EPN1: variants seen among roughly 807,000 people sequenced by gnomAD.
EPN1 encodes the protein epsin 1, also known as epsin-1.
In EPN1, 25 loss-of-function variants were observed where a neutral mutation model predicts 56.9. The ratio of observed to expected loss-of-function variants is 0.44; its 90% CI spans 0.32 to 0.61. EPN1 has a LOEUF of 0.61. EPN1 is among the 20% of genes least tolerant of loss of function. The pLI, the probability that EPN1 is intolerant of heterozygous loss-of-function variation, is 0.05. For missense variants in EPN1, 785 were observed against 823.7 expected, an observed-to-expected ratio of 0.95 and a Z score of 0.58; for synonymous variants, 411 against 361.8, an observed-to-expected ratio of 1.14 and a Z score of -1.54.
In EPN1 at chr19:55,678,591, CG is replaced by C; in HGVS notation, c.-33del. 2 of 1,578,144 alleles carry C rather than the reference CG, an allele frequency of 1.3e-6. No individual in the cohort carries two copies. The highest frequency in any genetic ancestry group is 1.7e-6 in the Non-Finnish European group (2 of 1,163,924). On this transcript the variant is annotated 5_prime_UTR_variant, in exon 2 of 11. Coordinates refer to ENST00000270460, the MANE Select transcript of EPN1 (RefSeq NM_001130072.2). The stretch of plus-strand genomic sequence containing the variant: ...GGAGTCGCCCCATCTCTCCACGCAT[CG>C]GGGCCCTGTGCCCCTTGCTGCTGCA...
intron 1 of EPN1, chr19:55,677,449 G>A (rs892094345): frequency 1.7e-5 from 12 of 721,110 alleles, no homozygotes; most frequent in East Asian, 2.7e-5. Context: ...TTTAATTTAG[G>A]TTAATTTAAA....
At chr19:55,677,326 A>G in intron 1 of EPN1, 1 of 761,158 alleles carries the variant, frequency 1.3e-6, no homozygotes, top group Non-Finnish European at 2.3e-6. Context: ...TAATACATGT[A>G]AAGCACTTAA....
Position 55,685,569 on chromosome 19 carries a change from G to A in EPN1, c.402G>A (p.Leu134=), listed in dbSNP as rs546564200. 6.2e-6 allele frequency: 10 copies of A among 1,610,294 alleles called. No homozygotes were observed. The highest frequency in any genetic ancestry group is 8.5e-6 in the Non-Finnish European group (10 of 1,178,526). The change falls in exon 3 of 11, where the codon CTG becomes CTA. Residue 134 remains leucine, a synonymous_variant. Coordinates refer to ENST00000270460, the MANE Select transcript of EPN1 (RefSeq NM_001130072.2). ...AAGCTAAGCAGCTGGTGGCCCTGCT[G>A]CGCGACGAGGACCGGCTGCGGGAAG... ...REKAKQLVAL[L]RDEDRLREER...
chr19:55,684,255 G>T (rs1018404476), intron 2 of EPN1, among the ~76,000 whole-genome samples: 5 of 152,172 alleles, frequency 3.3e-5, no homozygotes, highest in African/African-American at 4.8e-5. Flanking sequence ...ACGGAGCTTA[G>T]CTGTGATAGC....
At chr19:55,690,558 C>T (rs534660260) in intron 6 of EPN1, among the ~76,000 whole-genome samples, 1 of 152,208 alleles carries the variant, frequency 6.6e-6, no homozygotes, top group East Asian at 1.9e-4. Flanking sequence ...CCGGGGTGTC[C>T]GCACTGGCCT....
rs1987225313 is a variant in EPN1, at chr19:55,703,056, CAA to C, written c.*7702_*7703del. 6.6e-6 allele frequency: 1 copy of C among 152,340 alleles called. No homozygotes were observed. Among genetic ancestry groups the C allele is most frequent in the African/African-American group, 2.4e-5 (1 of 41,438 alleles). The allele number at this position is 152,340 out of a possible 1,614,324, so 9.4% of individuals were successfully genotyped here. On this transcript the variant is annotated 3_prime_UTR_variant, in exon 11 of 11. Coordinates refer to ENST00000270460, the MANE Select transcript of EPN1 (RefSeq NM_001130072.2). ...TGTGATTCCGCCCACCTCGGCCTCCCAAAGTGCTGGGATTACAGCCGTGAGCC... is the reference window on the plus strand; with the variant it reads ...TGTGATTCCGCCCACCTCGGCCTCCCAGTGCTGGGATTACAGCCGTGAGCC...
chr19:55,687,148 G>A (rs891175514), intron 3 of EPN1, among the ~76,000 whole-genome samples: 4 of 152,124 alleles, frequency 2.6e-5, no homozygotes, highest in Admixed American at 6.5e-5. Context: ...CTGAATTTTC[G>A]CCCATCTTGG....
chr19:55,700,088 T>G lies in EPN1; in HGVS notation c.*4732T>G, dbSNP rs937419477. 6.6e-6 allele frequency: 1 copy of G among 151,464 alleles called. No individual in the cohort carries two copies. The highest frequency in any genetic ancestry group is 1.5e-5 in the Non-Finnish European group (1 of 67,942). 9.4% of individuals were successfully genotyped at this position (151,464 alleles called of 1,614,324 possible). On this transcript the variant is annotated 3_prime_UTR_variant, in exon 11 of 11. Transcript: ENST00000270460. ...GATGCCCACCACCATGCCCAGCTAA[T>G]TTTTTTGTATTTTTTTAGTAGAGAC...
rs904229992 is a variant in EPN1 at position 55,692,870 on chromosome 19, GA to G, written c.1177+75del. ...GAAGTTAGTGTTGAGTGTCCTAAGG[GA>G]GGGGTGGACGCCTGGACTGGAGGTG... On this transcript the variant is annotated intron_variant, in intron 8 of 10. Coordinates refer to ENST00000270460, the MANE Select transcript of EPN1 (RefSeq NM_001130072.2). The G allele has an allele frequency of 3.1e-6, 5 of 1,593,234 alleles. No homozygotes were observed. The Admixed American group carries it at 5.0e-5, about 16-fold the overall frequency.
chr19:55,677,281 A>G (rs1293155611), intron 1 of EPN1: 10 of 956,982 alleles, frequency 1.0e-5, no homozygotes, highest in East Asian at 2.6e-5. Context: ...TGAGGTGGCT[A>G]TGAATCATGG....
At chr19:55,690,650 T>C (rs1986483527) in intron 6 of EPN1, among the ~76,000 whole-genome samples, 1 of 152,204 alleles carries the variant, frequency 6.6e-6, no homozygotes, top group Non-Finnish European at 1.5e-5. Flanking sequence ...CTGCTGCTGC[T>C]GCCGCCCCCC....
At position 55,695,271 on chromosome 19, in the gene EPN1, T is replaced by A. The variant is rs1986849236; in HGVS notation, c.1646T>A (p.Ile549Asn). 4 of 1,605,256 alleles carry A rather than the reference T, an allele frequency of 2.5e-6. No homozygotes were observed. The highest frequency in any genetic ancestry group is 2.7e-5 in the African/African-American group (2 of 74,622). Residue 549 changes from isoleucine to asparagine, a missense_variant, in exon 11 of 11, where the codon ATC becomes AAC. Ile to Asn is a moderately radical substitution (Grantham distance 149). Coordinates refer to ENST00000270460, the MANE Select transcript of EPN1 (RefSeq NM_001130072.2). The surrounding 1 kb of genome is among the most constrained non-coding windows in gnomAD (Gnocchi z 4.4). ...GTCCCTGGAGCGCCACCCACGTACA[T>A]CTCTCCCCTTGGCGGGGGCCCTGGC... Reference protein sequence around the residue: ...PPVPGAPPTYISPLGGGPGLP... With the variant: ...PPVPGAPPTYNSPLGGGPGLP...
intron 3 of EPN1, among the ~76,000 whole-genome samples, chr19:55,688,347 T>G (rs1402674649): frequency 1.3e-5 from 2 of 152,048 alleles, no homozygotes; most frequent in Non-Finnish European, 2.9e-5. Context: ...CCTCCTGCTC[T>G]TGGAACCAAG....
chr19:55,692,201 G>A (rs899838131), intron 7 of EPN1, 144 bp downstream of exon 7: 20 of 719,740 alleles, frequency 2.8e-5, no homozygotes, highest in African/African-American at 1.7e-4. Flanking sequence ...GGGCAAGGGC[G>A]GGGGTCAGAT....
intron 2 of EPN1, among the ~76,000 whole-genome samples, chr19:55,682,730 A>G (rs1252963586): frequency 6.6e-6 from 1 of 151,288 alleles, no homozygotes; most frequent in Non-Finnish European, 1.5e-5. Context: ...ACTGCACCCG[A>G]TTTTATATAT....
At position 55,693,210 on chromosome 19, in the gene EPN1, G is replaced by T. The variant is rs958869402; in HGVS notation, c.1264+173G>T. 5 of 544,624 alleles carry T rather than the reference G, an allele frequency of 9.2e-6. No homozygotes were observed. In the Admixed American group the frequency reaches 1.4e-4, roughly 15 times the overall value. The allele number at this position is 544,624 out of a possible 1,614,324, so 33.7% of individuals were successfully genotyped here. ...CCATCCACCTGTCTTTAAAAGAAGT[G>T]TGCATCTTTATTTTAGAGAAATTGC... On this transcript the variant is annotated intron_variant, in intron 9 of 10. Transcript: ENST00000270460.
chr19:55,692,036 G>A lies in EPN1; in HGVS notation c.1045G>A (p.Asp349Asn). 1.4e-6 allele frequency: 2 copies of A among 1,454,660 alleles called. No individual in the cohort carries two copies. Among genetic ancestry groups the A allele is most frequent in the Admixed American group, 5.3e-5 (2 of 37,596 alleles). 90.1% of individuals were successfully genotyped at this position (1,454,660 alleles called of 1,614,324 possible). The change falls in exon 7 of 11, where the codon GAT (aspartate) becomes AAT (asparagine). Residue 349 changes from aspartate (D) to asparagine (N), a missense_variant. By Grantham distance (23) the Asp-to-Asn change is conservative. Transcript: ENST00000270460. ...APAAGEGPTP[D>N]PWGSSDGGVP... The stretch of plus-strand genomic sequence containing the variant: ...TGCAGCTGGGGAGGGGCCCACGCCT[G>A]ATCCATGGGGAAGTTCCGATGGTGA...
At chr19:55,684,420 T>A (rs1169456150) in intron 2 of EPN1, among the ~76,000 whole-genome samples, 2 of 152,138 alleles carry the variant, frequency 1.3e-5, no homozygotes, top group African/African-American at 2.4e-5. Flanking sequence ...AGCCCAGGAC[T>A]TGAGCCTGAG....
At position 55,691,717 on chromosome 19, in the gene EPN1, A is replaced by G. The variant is rs200797003; in HGVS notation, c.763-37A>G. The G allele has an allele frequency of 3.3e-5, 52 of 1,587,006 alleles. No homozygotes were observed. Among genetic ancestry groups the G allele is most frequent in the Non-Finnish European group, 8.6e-7 (1 of 1,164,044 alleles). On this transcript the variant is annotated intron_variant, in intron 6 of 10. Transcript: ENST00000270460. This position sits in a 1 kb window ranked among gnomAD's most constrained non-coding sequence, Gnocchi z 5.6. ...TGGTCCCTGTCCCAGGCTTCCCACC[A>G]CTTCTTCATGCTCCTTCTCTTCTCT...
Sources: allele counts gnomAD v4.1 joint callset (sites outside exome capture counted in the v4.1 genomes callset), GRCh38; gene constraint gnomAD v4.1.1; non-coding constraint Gnocchi (gnomAD v3.1); transcripts MANE v1.5; gene names NCBI Gene and HGNC (gene_info 2026-07-23, HGNC 2026-07-21).